ANK2: variants seen among roughly 807,000 people sequenced by gnomAD.
ANK2 encodes ankyrin-2.
Under a neutral mutation model 360.5 loss-of-function variants are expected in ANK2, and 83 were observed. That is an observed-to-expected ratio of 0.23 (90% confidence interval 0.19 to 0.28). The LOEUF (loss-of-function observed/expected upper bound fraction) is 0.28. Among genes scored for constraint, ANK2 ranks in the 10% least tolerant of loss-of-function variants. ANK2 has a pLI of 1.00. For missense variants in ANK2, 4,201 were observed against 4,795.7 expected (o/e 0.88, Z 3.66); for synonymous variants, 1,740 against 1,759.5 (o/e 0.99, Z 0.28).
chr4:112,830,097 T>A (rs2059393572), intron 1 of ANK2, among the ~76,000 whole-genome samples: 1 of 152,206 alleles, frequency 6.6e-6, no homozygotes. Context: ...TTTGAAGATT[T>A]CTCAAAGAAC....
chr4:113,064,690 C>T (rs1169263983), intron 1 of ANK2, among the ~76,000 whole-genome samples: 1 of 152,070 alleles, frequency 6.6e-6, no homozygotes, highest in Non-Finnish European at 1.5e-5. Context: ...CTTTTAAGAT[C>T]GTTGTCATGA....
intron 2 of ANK2, among the ~76,000 whole-genome samples, chr4:112,968,180 C>A (rs1036622744): frequency 2.0e-5 from 3 of 152,166 alleles, no homozygotes; most frequent in Non-Finnish European, 4.4e-5. Context: ...TAGTATAATT[C>A]TTGAACTGAG....
chr4:113,232,691 A>AT (rs1554303351), intron 5 of ANK2, among the ~76,000 whole-genome samples: 4,256 of 76,720 alleles, frequency 0.055, 98 homozygotes, highest in East Asian at 0.13. Context: ...GAGGAATGTC[A>AT]TTAAAAAAAA....
chr4:113,318,527 T>C lies in ANK2; in HGVS notation c.2807T>C (p.Leu936Pro), dbSNP rs786205733. 4 of 1,613,470 alleles carry C rather than the reference T, an allele frequency of 2.5e-6. No individual in the cohort carries two copies. In the African/African-American group the frequency reaches 4.0e-5, roughly 16 times the overall value. ...VVIPSHQVSTLAKEAERNSYR... is the reference protein window; with the variant it reads ...VVIPSHQVSTPAKEAERNSYR... Reference sequence around the variant, plus strand: ...GTTCTTTGTGTTTAGGTGTCAACTCTAGCCAAGGAGGCAGAAAGGAATTCT... The same window carrying C: ...GTTCTTTGTGTTTAGGTGTCAACTCCAGCCAAGGAGGCAGAAAGGAATTCT... Residue 936 changes from leucine to proline, a missense_variant, in exon 26 of 46, where the codon CTA (leucine) becomes CCA (proline). Transcript: ENST00000357077.
At position 113,288,374 on chromosome 4, in the gene ANK2, A is replaced by G. The variant is rs1205801095; in HGVS notation, c.2179-14A>G. ...CTACTTTATCTATTTTTAACTTTTT[A>G]TTATTATTTACAGCTTGGTTACACA... On this transcript the variant is annotated splice_polypyrimidine_tract_variant and intron_variant, in intron 19 of 45. Transcript: ENST00000357077. 3 of 1,605,966 alleles carry G rather than the reference A, an allele frequency of 1.9e-6. No homozygotes were observed. Among genetic ancestry groups the G allele is most frequent in the African/African-American group, 2.7e-5 (2 of 74,674 alleles).
intron 2 of ANK2, among the ~76,000 whole-genome samples, chr4:112,983,212 G>A (rs766269994): frequency 4.3e-4 from 65 of 151,870 alleles, no homozygotes; most frequent in Non-Finnish European, 5.6e-4. Flanking sequence ...CATTGTTAAC[G>A]TATTTCATTG....
chr4:113,209,579 T>A (rs753859326), intron 4 of ANK2, among the ~76,000 whole-genome samples: 1 of 151,952 alleles, frequency 6.6e-6, no homozygotes, highest in Non-Finnish European at 1.5e-5. Flanking sequence ...AGGAAGGTGT[T>A]TATTGGCAGG....
chr4:113,147,840 G>T (rs1273869880), intron 1 of ANK2, among the ~76,000 whole-genome samples: 1 of 152,212 alleles, frequency 6.6e-6, no homozygotes, highest in Admixed American at 6.5e-5. Flanking sequence ...CTCCAAAAAA[G>T]AGGAAGCATG....
the ANK2 span, among the ~76,000 whole-genome samples, chr4:112,792,537 A>G: frequency 6.6e-6 from 1 of 152,296 alleles, no homozygotes; most frequent in South Asian, 2.1e-4. Context: ...AATGATCAGC[A>G]TTGTTGATAA....
At chr4:112,765,148 C>T in the ANK2 span, among the ~76,000 whole-genome samples, 5 of 152,270 alleles carry the variant, frequency 3.3e-5, no homozygotes, top group Admixed American at 1.3e-4. Flanking sequence ...GAATATACCT[C>T]TCAAAAAACA....
the ANK2 span, among the ~76,000 whole-genome samples, chr4:112,767,447 G>C: frequency 1.3e-5 from 2 of 152,082 alleles, no homozygotes; most frequent in African/African-American, 4.8e-5. Flanking sequence ...TGTAGTCCCA[G>C]CTACTCGGGA....
At chr4:113,125,266 C>G (rs2095595885) in intron 1 of ANK2, among the ~76,000 whole-genome samples, 1 of 151,928 alleles carries the variant, frequency 6.6e-6, no homozygotes. Context: ...GTTATTTTTT[C>G]ATAAATAAAT....
At position 113,381,670 on chromosome 4, in the gene ANK2, ACAC is replaced by A. The variant is rs754434170; in HGVS notation, c.*200_*202del. Reference sequence around the variant, plus strand: ...CTGCCCAGTTCTCACACCAGAAACCACACATTCACTCAATATGCAGCTTCCTGT... The same window carrying A: ...CTGCCCAGTTCTCACACCAGAAACCAATTCACTCAATATGCAGCTTCCTGT... On this transcript the variant is annotated 3_prime_UTR_variant, in exon 46 of 46. Transcript: ENST00000357077. 1.9e-6 allele frequency: 3 copies of A among 1,538,542 alleles called. No individual in the cohort carries two copies. The highest frequency in any genetic ancestry group is 1.7e-6 in the Non-Finnish European group (2 of 1,145,468).
chr4:112,977,894 C>T (rs2041958644), intron 2 of ANK2, among the ~76,000 whole-genome samples: 1 of 152,114 alleles, frequency 6.6e-6, no homozygotes, highest in African/African-American at 2.4e-5. Flanking sequence ...ATCCATGTCC[C>T]TGGAATGAAT....
intron 26 of ANK2, among the ~76,000 whole-genome samples, chr4:113,320,971 C>T (rs1021159366): frequency 6.6e-6 from 1 of 152,174 alleles, no homozygotes; most frequent in Admixed American, 6.5e-5. Context: ...AACATCTAGC[C>T]TCTGCCTTTA....
At chr4:112,738,685 G>C in the ANK2 span, 1 of 591,250 alleles carries the variant, frequency 1.7e-6, no homozygotes, top group Non-Finnish European at 3.2e-6. Context: ...GCTGCCCTCA[G>C]ACCCGTTGTG....
At chr4:113,311,712 A>G (rs1167734752) in intron 24 of ANK2, among the ~76,000 whole-genome samples, 2 of 152,186 alleles carry the variant, frequency 1.3e-5, no homozygotes, top group Admixed American at 6.5e-5. Flanking sequence ...TTTTCCTCAA[A>G]TTAAAAGGAC....
Position 112,891,171 on chromosome 4 carries a change from G to A in ANK2, c.-39-13284G>A, listed in dbSNP as rs150395190. Among the ~76,000 whole-genome samples the A allele has an allele frequency of 3.5e-3, 530 of 152,180 alleles. 1 individual carries two copies. Among genetic ancestry groups the A allele is most frequent in the African/African-American group, 0.012 (487 of 41,514 alleles). On this transcript the variant is annotated intron_variant, in intron 1 of 30. Coordinates refer to the ANK2 transcript ENST00000503271. ...ACTCAGAGGTTTTGTGACTTGCCTC[G>A]TGCCACGTAACTAGCAGTAGCAGAT...
intron 24 of ANK2, among the ~76,000 whole-genome samples, chr4:113,312,564 G>C (rs1321371731): frequency 6.6e-6 from 1 of 151,942 alleles, no homozygotes; most frequent in Admixed American, 6.6e-5. Flanking sequence ...TGGGATGGGA[G>C]AGGGCATAAG....
Sources: allele counts gnomAD v4.1 joint callset (sites outside exome capture counted in the v4.1 genomes callset), GRCh38; gene constraint gnomAD v4.1.1; transcripts MANE v1.5; gene names NCBI Gene and HGNC (gene_info 2026-07-23, HGNC 2026-07-21).